The following FYB1 variants were observed in gnomAD, a reference collection of about 807,000 sequenced individuals.
FYB1 encodes the protein FYN-binding protein 1.
Under a neutral mutation model 94.1 loss-of-function variants are expected in FYB1, and 41 were observed. That is an observed-to-expected ratio of 0.44 (90% confidence interval 0.34 to 0.57). FYB1 has a LOEUF of 0.57. Ranked by LOEUF, FYB1 falls within the 20% of genes least tolerant of loss-of-function variation. The pLI, the probability that FYB1 is intolerant of heterozygous loss-of-function variation, is 0.02. For missense variants in FYB1, 1,050 were observed against 976.8 expected (o/e 1.07, Z -1.00); for synonymous variants, 367 against 353.2 (o/e 1.04, Z -0.44).
At chr5:39,220,775 A>G (rs988719296), upstream of FYB1, among the ~76,000 whole-genome samples, 29 of 152,340 alleles carry the variant, frequency 1.9e-4, no homozygotes, top group African/African-American at 7.0e-4. Context: ...TTCCCTTCTT[A>G]TAGAGTAGTA....
At position 39,111,196 on chromosome 5, in the gene FYB1, A is replaced by G. The variant is rs186181590; in HGVS notation, c.2402-807T>C. 5.3e-5 allele frequency among the ~76,000 whole-genome samples: 8 copies of G among 152,100 alleles called. No homozygotes were observed. In the South Asian group the frequency reaches 8.3e-4, roughly 16 times the overall value. On this transcript the variant is annotated intron_variant, in intron 16 of 18. Transcript: ENST00000512982. ...TTTTCTTAAGAAAATGCCTGCTGATATCTAATTAATATTACTAATCTTTGG... is the reference window on the plus strand; with the variant it reads ...TTTTCTTAAGAAAATGCCTGCTGATGTCTAATTAATATTACTAATCTTTGG...
At chr5:39,201,380 C>T (rs1251052136) in intron 2 of FYB1, among the ~76,000 whole-genome samples, 1 of 152,164 alleles carries the variant, frequency 6.6e-6, no homozygotes, top group Non-Finnish European at 1.5e-5. Context: ...AAAAATGCCT[C>T]CATACATTGC....
At chr5:39,256,581 A>G (rs1484950621) in intron 1 of FYB1, among the ~76,000 whole-genome samples, 3 of 152,184 alleles carry the variant, frequency 2.0e-5, no homozygotes, top group Non-Finnish European at 4.4e-5. Flanking sequence ...GTTGGTAGCT[A>G]CAGGTGGACT....
chr5:39,238,470 G>A (rs1172303775), intron 1 of FYB1, among the ~76,000 whole-genome samples: 1 of 151,978 alleles, frequency 6.6e-6, no homozygotes, highest in African/African-American at 2.4e-5. Flanking sequence ...ATTAAGGTGA[G>A]ATCAATTTTT....
At chr5:39,147,496 G>A (rs1742777125) in intron 3 of FYB1, among the ~76,000 whole-genome samples, 1 of 150,132 alleles carries the variant, frequency 6.7e-6, no homozygotes, top group East Asian at 2.0e-4. Flanking sequence ...GTCTGTGTGT[G>A]TGTATTTAAA....
intron 1 of FYB1, among the ~76,000 whole-genome samples, chr5:39,237,282 A>C (rs775156181): frequency 6.6e-6 from 1 of 152,132 alleles, no homozygotes; most frequent in Non-Finnish European, 1.5e-5. Context: ...CAATAATCTA[A>C]GTATGAGATG....
intron 9 of FYB1, among the ~76,000 whole-genome samples, chr5:39,131,932 A>C (rs755267773): frequency 4.6e-5 from 7 of 152,236 alleles, no homozygotes; most frequent in Non-Finnish European, 7.3e-5. Context: ...CATTTGATGA[A>C]GTGAAGAAGA....
At chr5:39,165,981 T>C in intron 2 of FYB1, among the ~76,000 whole-genome samples, 1 of 152,092 alleles carries the variant, frequency 6.6e-6, no homozygotes, top group Non-Finnish European at 1.5e-5. Context: ...TAATAAGAGA[T>C]GTGGGCAAGG....
At chr5:39,121,113 A>G (rs1277119743) in intron 14 of FYB1, among the ~76,000 whole-genome samples, 1 of 151,434 alleles carries the variant, frequency 6.6e-6, no homozygotes, top group Non-Finnish European at 1.5e-5. Flanking sequence ...TTGTTTGAAG[A>G]ATAAGGCCAG....
chr5:39,118,395 C>T (rs1739763445), intron 16 of FYB1, among the ~76,000 whole-genome samples: 1 of 152,140 alleles, frequency 6.6e-6, no homozygotes, highest in Non-Finnish European at 1.5e-5. Context: ...ATTTGATATT[C>T]TCCATAATTT....
intron 1 of FYB1, among the ~76,000 whole-genome samples, chr5:39,227,573 A>T (rs1175822497): frequency 6.6e-6 from 1 of 152,246 alleles, no homozygotes; most frequent in African/African-American, 2.4e-5. Flanking sequence ...TTTTCTGTAG[A>T]TTTTAATTTT....
intron 17 of FYB1, among the ~76,000 whole-genome samples, chr5:39,108,798 G>A (rs1425776555): frequency 6.6e-6 from 1 of 151,996 alleles, no homozygotes. Flanking sequence ...TGATTCTTAT[G>A]TAATTTTAAA....
rs1050813298 is a variant in FYB1 at position 39,210,133 on chromosome 5, T to C, written c.-27-7146A>G. Reference sequence around the variant, plus strand: ...GTGGCGGAAGCAGCGGTGGTAGCCCTGATTGTGACAACCCCTGTATGTTTT... The same window carrying C: ...GTGGCGGAAGCAGCGGTGGTAGCCCCGATTGTGACAACCCCTGTATGTTTT... On this transcript the variant is annotated intron_variant, in intron 1 of 18. Coordinates refer to ENST00000512982, the MANE Select transcript of FYB1 (RefSeq NM_001465.6). Among the ~76,000 whole-genome samples the C allele has an allele frequency of 3.9e-5, 6 of 152,188 alleles. No homozygotes were observed. In the East Asian group the frequency reaches 1.2e-3, roughly 29 times the overall value.
At chr5:39,156,119 C>T (rs1181248239) in intron 2 of FYB1, among the ~76,000 whole-genome samples, 3 of 152,174 alleles carry the variant, frequency 2.0e-5, no homozygotes, top group African/African-American at 7.2e-5. Context: ...GGGAGAGTGA[C>T]TTAAGGCCGA....
intron 1 of FYB1, among the ~76,000 whole-genome samples, chr5:39,243,109 T>C (rs375866896): frequency 3.3e-5 from 5 of 152,136 alleles, no homozygotes; most frequent in Non-Finnish European, 5.9e-5. Flanking sequence ...ACTCTGATGG[T>C]AGTTTCTTTT....
Position 39,122,418 on chromosome 5 carries a change from A to G in FYB1, c.2072-16T>C. The G allele has an allele frequency of 6.7e-7, 1 of 1,496,204 alleles. No individual in the cohort carries two copies. Among genetic ancestry groups the G allele is most frequent in the Non-Finnish European group, 9.2e-7 (1 of 1,089,378 alleles). The allele number at this position is 1,496,204 out of a possible 1,614,324, so 92.7% of individuals were successfully genotyped here. A position where few individuals can be genotyped will look rare whatever the true frequency, so the allele number is the denominator to read the frequency against. ...TCTCCCATGTCTAACAAAAGACAGAATATCAAAGGTTGAAACACTGTTAGT... is the reference window on the plus strand; with the variant it reads ...TCTCCCATGTCTAACAAAAGACAGAGTATCAAAGGTTGAAACACTGTTAGT... On this transcript the variant is annotated splice_polypyrimidine_tract_variant and intron_variant, in intron 13 of 18. Transcript: ENST00000512982.
intron 2 of FYB1, among the ~76,000 whole-genome samples, chr5:39,168,024 T>G (rs1744898283): frequency 6.6e-6 from 1 of 152,228 alleles, no homozygotes; most frequent in African/African-American, 2.4e-5. Context: ...GTTAATTCTC[T>G]TCCCTTATTA....
intron 2 of FYB1, among the ~76,000 whole-genome samples, chr5:39,188,596 G>A (rs1747066755): frequency 6.8e-6 from 1 of 146,088 alleles, no homozygotes; most frequent in African/African-American, 2.5e-5. Flanking sequence ...CTAGGCTGGA[G>A]TGCAATTGTG....
chr5:39,222,007 A>G (rs938767057), upstream of FYB1, among the ~76,000 whole-genome samples: 12 of 151,998 alleles, frequency 7.9e-5, no homozygotes, highest in Admixed American at 5.9e-4. Flanking sequence ...TGTCTCAAAA[A>G]TAAAATAAAA....
Sources: gnomAD v4.1 joint callset for allele counts (sites outside exome capture counted in the v4.1 genomes callset) on GRCh38, gnomAD v4.1.1 for gene constraint, MANE v1.5 for transcripts, NCBI Gene and HGNC (gene_info 2026-07-23, HGNC 2026-07-21) for gene names.